The following SGCD variants were observed in gnomAD, a reference collection of about 807,000 sequenced individuals.
SGCD encodes the protein sarcoglycan delta, also known as delta-sarcoglycan.
SGCD carries 18 observed loss-of-function variants against 36.6 expected under a neutral mutation model. The ratio of observed to expected loss-of-function variants is 0.49; its 90% CI spans 0.34 to 0.73. The LOEUF is 0.73. SGCD is among the 30% of genes least tolerant of loss of function. The pLI is 0.01. For missense variants in SGCD, 387 were observed against 346.7 expected (o/e 1.12, Z -0.92); for synonymous variants, 133 against 130.6 (o/e 1.02, Z -0.12).
chr5:156,083,430 G>A (rs1761012856), intron 1 of SGCD, among the ~76,000 whole-genome samples: 1 of 151,802 alleles, frequency 6.6e-6, no homozygotes, highest in African/African-American at 2.4e-5. Flanking sequence ...GAGTAGCTGG[G>A]ATTACAGGCA....
intron 6 of SGCD, among the ~76,000 whole-genome samples, chr5:156,596,840 C>T (rs6872066): frequency 6.6e-6 from 1 of 151,986 alleles, no homozygotes; most frequent in Admixed American, 6.6e-5. Flanking sequence ...CGCATATGTA[C>T]ATGTGTGCAT....
intron 1 of SGCD, among the ~76,000 whole-genome samples, chr5:156,010,993 A>C (rs1372904411): frequency 1.3e-5 from 2 of 152,176 alleles, no homozygotes; most frequent in Admixed American, 6.5e-5. Flanking sequence ...AGTCATGATT[A>C]CTTTGAATAT....
chr5:156,438,844 C>G (rs1046356446), intron 3 of SGCD, among the ~76,000 whole-genome samples: 7 of 152,072 alleles, frequency 4.6e-5, no homozygotes, highest in Non-Finnish European at 1.0e-4. Flanking sequence ...GTCATAACAA[C>G]TCAACATGAA....
At chr5:156,364,522 A>G (rs535195771) in intron 3 of SGCD, among the ~76,000 whole-genome samples, 2 of 152,368 alleles carry the variant, frequency 1.3e-5, no homozygotes, top group South Asian at 4.1e-4. Context: ...TCTAGGCTGC[A>G]GCTACCTATA....
chr5:155,728,098 A>G, the SGCD span, among the ~76,000 whole-genome samples: 1 of 152,080 alleles, frequency 6.6e-6, no homozygotes. Flanking sequence ...CTGGAGCTGC[A>G]GACGAGGAGC....
At chr5:156,734,467 A>G (rs950523540) in intron 7 of SGCD, among the ~76,000 whole-genome samples, 5 of 152,108 alleles carry the variant, frequency 3.3e-5, no homozygotes, top group Admixed American at 6.6e-5. Flanking sequence ...GATATCCTGG[A>G]ACATGTTTTC....
intron 1 of SGCD, among the ~76,000 whole-genome samples, chr5:156,082,691 G>A (rs915871734): frequency 6.6e-6 from 1 of 152,094 alleles, no homozygotes; most frequent in Non-Finnish European, 1.5e-5. Flanking sequence ...GAATATTCGT[G>A]TTCTAGTTTT....
intron 3 of SGCD, among the ~76,000 whole-genome samples, chr5:156,386,088 C>T (rs1327599749): frequency 6.6e-6 from 1 of 152,170 alleles, no homozygotes; most frequent in African/African-American, 2.4e-5. Context: ...AGAATGCCTT[C>T]CAATCTGTTT....
chr5:156,264,821 T>G (rs1450884834), intron 3 of SGCD, among the ~76,000 whole-genome samples: 1 of 152,100 alleles, frequency 6.6e-6, no homozygotes, highest in African/African-American at 2.4e-5. Flanking sequence ...TTCACTGCTT[T>G]TTTCCCCAGC....
chr5:156,423,296 T>C (rs1272196604), intron 3 of SGCD, among the ~76,000 whole-genome samples: 3 of 110,838 alleles, frequency 2.7e-5, no homozygotes, highest in African/African-American at 1.1e-4. Flanking sequence ...TTTATTATAA[T>C]ATAATATATT....
intron 3 of SGCD, among the ~76,000 whole-genome samples, chr5:156,236,977 G>T (rs1334818046): frequency 6.6e-6 from 1 of 151,844 alleles, no homozygotes; most frequent in Non-Finnish European, 1.5e-5. Context: ...GGGATTACAG[G>T]CAGGCACCAC....
At chr5:156,756,753 T>C (rs116512632) in intron 7 of SGCD, among the ~76,000 whole-genome samples, 56 of 152,268 alleles carry the variant, frequency 3.7e-4, no homozygotes, top group African/African-American at 1.2e-3. Flanking sequence ...CACAAATACA[T>C]AGAGACCTGT....
At chr5:155,742,264 T>C in the SGCD span, among the ~76,000 whole-genome samples, 1 of 152,232 alleles carries the variant, frequency 6.6e-6, no homozygotes, top group African/African-American at 2.4e-5. Context: ...CTCACCTTTA[T>C]TGCTTGTTGT....
At chr5:156,477,950 G>C (rs1340597019) in intron 3 of SGCD, among the ~76,000 whole-genome samples, 2 of 152,040 alleles carry the variant, frequency 1.3e-5, no homozygotes, top group Non-Finnish European at 2.9e-5. Context: ...GGATCAAACT[G>C]TCGTCACCAT....
intron 3 of SGCD, among the ~76,000 whole-genome samples, chr5:156,423,386 A>ATATAT (rs1363971463): frequency 9.5e-6 from 1 of 105,314 alleles, no homozygotes; most frequent in East Asian, 2.8e-4. Context: ...TTATAATATA[A>ATATAT]TATATTATAT....
intron 7 of SGCD, among the ~76,000 whole-genome samples, chr5:156,716,661 A>T (rs1053585552): frequency 6.6e-5 from 10 of 152,202 alleles, no homozygotes; most frequent in African/African-American, 2.4e-4. Flanking sequence ...CCAGTTCACT[A>T]TGGTGTTTTC....
chr5:156,096,753 TAAAA>T (rs893716880), intron 1 of SGCD, among the ~76,000 whole-genome samples: 1 of 152,172 alleles, frequency 6.6e-6, no homozygotes, highest in African/African-American at 2.4e-5. Context: ...AAGCTAAACA[TAAAA>T]TAAGCAAGAT....
At chr5:156,048,787 T>G (rs1381276478) in intron 1 of SGCD, among the ~76,000 whole-genome samples, 2 of 152,224 alleles carry the variant, frequency 1.3e-5, no homozygotes, top group African/African-American at 4.8e-5. Flanking sequence ...CTGTTCACTC[T>G]GATGGTAGTT....
At chr5:156,603,989 A>T (rs1423648752) in intron 6 of SGCD, among the ~76,000 whole-genome samples, 1 of 151,964 alleles carries the variant, frequency 6.6e-6, no homozygotes, top group Non-Finnish European at 1.5e-5. Context: ...GTTGAAAGTG[A>T]GGTGCTGAAG....
Sources: gnomAD v4.1 joint callset for allele counts (sites outside exome capture counted in the v4.1 genomes callset) on GRCh38, gnomAD v4.1.1 for gene constraint, MANE v1.5 for transcripts, NCBI Gene and HGNC (gene_info 2026-07-23, HGNC 2026-07-21) for gene names.